SPTAN1: variants seen among roughly 807,000 people sequenced by gnomAD.
SPTAN1 encodes spectrin alpha chain, non-erythrocytic 1.
Under a neutral mutation model 331.3 loss-of-function variants are expected in SPTAN1, and 61 were observed. That is an observed-to-expected ratio of 0.18 (90% CI 0.15 to 0.23). SPTAN1 has a LOEUF of 0.23. Among genes scored for constraint, SPTAN1 ranks in the 10% least tolerant of loss-of-function variants. SPTAN1 has a pLI of 1.00. For missense variants in SPTAN1, 2,043 were observed against 3,147.9 expected (o/e 0.65, Z 8.40); for synonymous variants, 1,153 against 1,173.9 (o/e 0.98, Z 0.36).
intron 19 of SPTAN1, among the ~76,000 whole-genome samples, chr9:128,586,280 C>T (rs1205995455): frequency 6.6e-6 from 1 of 151,532 alleles, no homozygotes; most frequent in African/African-American, 2.4e-5. Flanking sequence ...CACTACCTGC[C>T]TAGCTACGCT....
At chr9:128,611,481 C>T in intron 37 of SPTAN1, 1 of 506,432 alleles carries the variant, frequency 2.0e-6, no homozygotes, top group Non-Finnish European at 3.6e-6. Flanking sequence ...AAAAAAAGGA[C>T]TTCCAGTTCA....
intron 51 of SPTAN1, chr9:128,628,730 AG>A (rs922346172): frequency 1.2e-3 from 204 of 170,666 alleles, no homozygotes; most frequent in African/African-American, 4.6e-3. Flanking sequence ...ATAGGCGGCC[AG>A]GGGAGAAATA....
chr9:128,584,389 G>A lies in SPTAN1; in HGVS notation c.2301G>A (p.Glu767=), dbSNP rs774379865. Residue 767 remains glutamate (E), a synonymous_variant, in exon 17 of 57, where the codon GAG becomes GAA. Transcript: ENST00000372739. The part of the protein sequence containing the change: ...KKQEALVARY[E]ALKEPMVARK... ...AGGAAGCCCTCGTGGCTCGCTATGA[G>A]GCACTCAAGGAGCCCATGGTTGCCC... is the stretch of plus-strand genomic sequence containing the variant. 6.2e-7 allele frequency: 1 copy of A among 1,614,134 alleles called. No homozygotes were observed. Among genetic ancestry groups the A allele is most frequent in the East Asian group, 2.2e-5 (1 of 44,874 alleles).
At chr9:128,604,452 A>G (rs893869704) in intron 29 of SPTAN1, 35 bp downstream of exon 29, 4 of 1,589,974 alleles carry the variant, frequency 2.5e-6, no homozygotes, top group Non-Finnish European at 3.4e-6. Context: ...AGAGGGAGAA[A>G]CAGGTGACTG....
intron 4 of SPTAN1, 36 bp from the exon 5 acceptor site, chr9:128,575,163 G>T: frequency 6.2e-7 from 1 of 1,614,044 alleles, no homozygotes. Context: ...ACAAATGTTG[G>T]TTGGTGACTC....
intron 1 of SPTAN1, among the ~76,000 whole-genome samples, chr9:128,560,474 A>C (rs7040186): frequency 6.6e-6 from 1 of 151,418 alleles, no homozygotes; most frequent in Non-Finnish European, 1.5e-5. Flanking sequence ...TCCGCCTCCC[A>C]GGCTCAAGGG....
At position 128,576,891 on chromosome 9, in the gene SPTAN1, G is replaced by A; in HGVS notation, c.720G>A (p.Leu240=). 1 of 1,614,156 alleles carries A rather than the reference G, an allele frequency of 6.2e-7. No individual in the cohort carries two copies. The highest frequency in any genetic ancestry group is 1.3e-5 in the African/African-American group (1 of 75,070). The stretch of plus-strand genomic sequence containing the variant: ...AAGTCAATGCAGCCTGGCAGCGGCT[G>A]AAGGGCCTGGCTCTGCAGAGGCAGG... ...QDEVNAAWQR[L]KGLALQRQGK... The change falls in exon 6 of 57, where the codon CTG becomes CTA. Residue 240 remains leucine (L), a synonymous_variant. Coordinates refer to ENST00000372739, the MANE Select transcript of SPTAN1 (RefSeq NM_001130438.3).
In SPTAN1 at chr9:128,617,630, T is replaced by C; in HGVS notation, c.5358-10T>C. On this transcript the variant is annotated splice_polypyrimidine_tract_variant and intron_variant, in intron 41 of 56. Coordinates refer to ENST00000372739, the MANE Select transcript of SPTAN1 (RefSeq NM_001130438.3). Reference sequence around the variant, plus strand: ...GAGACTGACTGTGCTGTTTCCCATCTCTCATTCAGGGAGAAGAAGCTGCTG... The same window carrying C: ...GAGACTGACTGTGCTGTTTCCCATCCCTCATTCAGGGAGAAGAAGCTGCTG... 1 of 1,614,130 alleles carries C rather than the reference T, an allele frequency of 6.2e-7. No individual in the cohort carries two copies. Among genetic ancestry groups the C allele is most frequent in the Non-Finnish European group, 8.5e-7 (1 of 1,179,990 alleles).
Position 128,584,329 on chromosome 9 carries a change from T to C in SPTAN1, c.2241T>C (p.Ala747=), listed in dbSNP as rs1229164923. The C allele has an allele frequency of 6.2e-7, 1 of 1,614,204 alleles. No homozygotes were observed. Among genetic ancestry groups the C allele is most frequent in the South Asian group, 1.1e-5 (1 of 91,088 alleles). The change falls in exon 17 of 57, where the codon GCT becomes GCC. Residue 747 remains alanine (A), a synonymous_variant. Transcript: ENST00000372739. ...TTCAGGCCCGCCAGTTCCAAGATGC[T>C]GGCCATTTTGATGCAGAAAACATCA... ...ITIQARQFQD[A]GHFDAENIKK...
At chr9:128,618,746 G>A (rs1857492457) in intron 43 of SPTAN1, 125 bp from the exon 44 acceptor site, 2 of 1,431,456 alleles carry the variant, frequency 1.4e-6, no homozygotes, top group South Asian at 1.2e-5. Flanking sequence ...GCCTCCCAAA[G>A]TGCTGGGATT....
At chr9:128,591,293 C>T (rs2131314010) in intron 21 of SPTAN1, among the ~76,000 whole-genome samples, 184 bp from the exon 22 acceptor site, 1 of 152,114 alleles carries the variant, frequency 6.6e-6, no homozygotes, top group South Asian at 2.1e-4. Flanking sequence ...GTCTCCATCT[C>T]CTGACCTCGT....
chr9:128,627,756 T>G lies in SPTAN1; in HGVS notation c.6690-169T>G, dbSNP rs1016761927. ...GAGTGGGACCATGCAGGGCGCGTGGTCAGCCCCAGCCATGACTTGGTGACA... is the reference window on the plus strand; with the variant it reads ...GAGTGGGACCATGCAGGGCGCGTGGGCAGCCCCAGCCATGACTTGGTGACA... On this transcript the variant is annotated intron_variant, in intron 50 of 56. Transcript: ENST00000372739. This position sits in a 1 kb window ranked among gnomAD's most constrained non-coding sequence, Gnocchi z 4.9. 1.5e-5 allele frequency: 14 copies of G among 934,560 alleles called. No homozygotes were observed. Among genetic ancestry groups the G allele is most frequent in the Non-Finnish European group, 2.3e-5 (13 of 570,404 alleles). 57.9% of individuals were successfully genotyped at this position (934,560 alleles called of 1,614,324 possible). A position where few individuals can be genotyped will look rare whatever the true frequency, so the allele number is the denominator to read the frequency against.
chr9:128,623,702 G>A (rs534336752), intron 45 of SPTAN1, among the ~76,000 whole-genome samples: 1 of 144,980 alleles, frequency 6.9e-6, no homozygotes, highest in East Asian at 2.0e-4. Context: ...TTGAACCCCT[G>A]GCCTCAAATG....
chr9:128,614,182 C>T (rs1286576637), intron 40 of SPTAN1, among the ~76,000 whole-genome samples: 1 of 151,956 alleles, frequency 6.6e-6, no homozygotes, highest in East Asian at 1.9e-4. Flanking sequence ...TGGTCAGGTA[C>T]AGTGGCTCAC....
chr9:128,604,957 A>C, intron 29 of SPTAN1, 77 bp from the exon 30 acceptor site: 1 of 1,407,614 alleles, frequency 7.1e-7, no homozygotes, highest in Non-Finnish European at 9.7e-7. Context: ...TAAATAAATA[A>C]ATAAATTTTT....
At position 128,594,282 on chromosome 9, in the gene SPTAN1, A is replaced by T; in HGVS notation, c.3323A>T (p.Asn1108Ile). The change falls in exon 24 of 57, where the codon AAT becomes ATT. Residue 1108 changes from asparagine to isoleucine, a missense_variant. By Grantham distance (149) the Asn-to-Ile change is moderately radical. Around this residue, in one of 12 missense-constraint regions of SPTAN1, gnomAD observed 1,038 missense variants for 1,531.5 expected, o/e 0.68. Transcript: ENST00000372739. ...REANELQQWI[N>I]EKEAALTSEE... ...GCGAATGAACTACAGCAATGGATCA[A>T]TGAGAAGGAAGCCGCTCTGACAAGT... is the stretch of plus-strand genomic sequence containing the variant. 1.2e-6 allele frequency: 2 copies of T among 1,614,188 alleles called. No individual in the cohort carries two copies. Among genetic ancestry groups the T allele is most frequent in the Non-Finnish European group, 1.7e-6 (2 of 1,180,034 alleles).
At chr9:128,632,776 C>T (rs761739761) in intron 55 of SPTAN1, 32 bp from the exon 56 acceptor site, 4 of 1,613,918 alleles carry the variant, frequency 2.5e-6, no homozygotes, top group African/African-American at 1.3e-5. Context: ...ACCTGCCCTC[C>T]CTGCTCAGGC....
rs192312974 is a variant in SPTAN1, at chr9:128,570,535, A to G, written c.363+1638A>G. On this transcript the variant is annotated intron_variant, in intron 3 of 56. Transcript: ENST00000372739. ...GTATATTTAGTAGAGATGGGGTTTCATCATGTTGACCAGGCTGGTCTTGAA... is the reference window on the plus strand; with the variant it reads ...GTATATTTAGTAGAGATGGGGTTTCGTCATGTTGACCAGGCTGGTCTTGAA... Among the ~76,000 whole-genome samples, 121 of 151,468 alleles carry G rather than the reference A, an allele frequency of 8.0e-4. 1 individual carries two copies. Among genetic ancestry groups the G allele is most frequent in the Non-Finnish European group, 1.3e-3 (91 of 67,866 alleles).
Position 128,630,337 on chromosome 9 carries a change from G to A in SPTAN1, c.6724G>A (p.Glu2242Lys). 6.2e-7 allele frequency: 1 copy of A among 1,613,152 alleles called. No individual in the cohort carries two copies. The highest frequency in any genetic ancestry group is 8.5e-7 in the Non-Finnish European group (1 of 1,180,008). The part of the protein sequence containing the change: ...YLLDGSCMVE[E>K]SGTLESQLEA... ...CACGTTTAGGTCCTGTATGGTGGAAGAGTCGGGGACCCTCGAATCCCAGCT... is the reference window on the plus strand; with the variant it reads ...CACGTTTAGGTCCTGTATGGTGGAAAAGTCGGGGACCCTCGAATCCCAGCT... The change falls in exon 52 of 57, where the codon GAG becomes AAG. Residue 2242 changes from glutamate (E) to lysine (K), a missense_variant. By Grantham distance (56) the Glu-to-Lys change is moderately conservative. This residue lies in a region of SPTAN1 where 256 missense variants were observed against 376.4 expected (regional missense o/e 0.68). Transcript: ENST00000372739.
Sources: gnomAD v4.1 joint callset for allele counts (sites outside exome capture counted in the v4.1 genomes callset) on GRCh38, gnomAD v4.1.1 for gene constraint, gnomAD v4.1.1 regional missense constraint, Gnocchi (gnomAD v3.1) non-coding constraint, MANE v1.5 for transcripts, NCBI Gene and HGNC (gene_info 2026-07-23, HGNC 2026-07-21) for gene names.